The following ZNF804A variants were observed in gnomAD, a reference collection of about 807,000 sequenced individuals.
The protein encoded by ZNF804A is zinc finger protein 804A.
A neutral mutation model predicts 16.5 loss-of-function variants in ZNF804A; 2 were observed. The ratio of observed to expected loss-of-function variants is 0.12; its 90% CI spans 0.05 to 0.38. The LOEUF is 0.38. Among genes scored for constraint, ZNF804A ranks in the 10% least tolerant of loss-of-function variants. The probability of loss-of-function intolerance (pLI) is 0.99; values close to 1 mark genes in which losing one functional copy is unlikely to be tolerated. For missense variants in ZNF804A, 1,473 were observed against 1,390.7 expected (o/e 1.06, Z -0.94); for synonymous variants, 534 against 489.6 (o/e 1.09, Z -1.20).
At chr2:184,746,976 TTG>T (rs1403176832) in intron 1 of ZNF804A, among the ~76,000 whole-genome samples, 2 of 151,332 alleles carry the variant, frequency 1.3e-5, no homozygotes. Context: ...CGACAAAAGA[TTG>T]CATGTTTTAC....
intron 2 of ZNF804A, among the ~76,000 whole-genome samples, chr2:184,889,665 C>A (rs1402366174): frequency 6.6e-6 from 1 of 151,590 alleles, no homozygotes; most frequent in Non-Finnish European, 1.5e-5. Flanking sequence ...AATATTAAAG[C>A]TGCCCACACA....
intron 1 of ZNF804A, among the ~76,000 whole-genome samples, chr2:184,708,531 A>G (rs1693071070): frequency 6.6e-6 from 1 of 152,146 alleles, no homozygotes; most frequent in Non-Finnish European, 1.5e-5. Flanking sequence ...AGAGTCAACA[A>G]AAATAAGCAA....
chr2:184,663,620 G>A (rs1692213868), intron 1 of ZNF804A, among the ~76,000 whole-genome samples: 1 of 152,090 alleles, frequency 6.6e-6, no homozygotes, highest in East Asian at 1.9e-4. Flanking sequence ...AAGCAATGGG[G>A]GCCAGGCTGT....
At chr2:184,747,044 T>A (rs1023175572) in intron 1 of ZNF804A, among the ~76,000 whole-genome samples, 1 of 151,268 alleles carries the variant, frequency 6.6e-6, no homozygotes, top group Non-Finnish European at 1.5e-5. Flanking sequence ...AAATATATTC[T>A]CTTACAGCCT....
chr2:184,880,630 T>A (rs1301267995), intron 2 of ZNF804A, among the ~76,000 whole-genome samples: 1 of 152,086 alleles, frequency 6.6e-6, no homozygotes, highest in Non-Finnish European at 1.5e-5. Context: ...TTTCTTAGTC[T>A]GTTGTGTGCT....
intron 1 of ZNF804A, among the ~76,000 whole-genome samples, chr2:184,815,255 A>G (rs77630203): frequency 6.6e-6 from 1 of 151,978 alleles, no homozygotes; most frequent in Admixed American, 6.6e-5. Context: ...TTAAAAAAAA[A>G]CATAAAATAA....
At chr2:184,921,848 A>T (rs1407864307) in intron 2 of ZNF804A, among the ~76,000 whole-genome samples, 1 of 151,944 alleles carries the variant, frequency 6.6e-6, no homozygotes, top group Non-Finnish European at 1.5e-5. Flanking sequence ...TATCTCCCAT[A>T]GATAAGTGAG....
chr2:184,633,126 A>G (rs1419996748), intron 1 of ZNF804A, among the ~76,000 whole-genome samples: 1 of 152,120 alleles, frequency 6.6e-6, no homozygotes, highest in Non-Finnish European at 1.5e-5. Flanking sequence ...AGTTTATTCT[A>G]TGATGTTTGC....
At chr2:184,820,412 T>C (rs1405034125) in intron 1 of ZNF804A, among the ~76,000 whole-genome samples, 2 of 152,082 alleles carry the variant, frequency 1.3e-5, no homozygotes, top group African/African-American at 4.8e-5. Context: ...TGAAGGAATA[T>C]ACCTCAAAAT....
chr2:184,918,437 G>C (rs1192647182), intron 2 of ZNF804A, among the ~76,000 whole-genome samples: 1 of 152,086 alleles, frequency 6.6e-6, no homozygotes, highest in African/African-American at 2.4e-5. Context: ...GAGTGTGCCT[G>C]TCCCATGTTC....
chr2:184,906,400 G>A (rs1685274489), intron 2 of ZNF804A, among the ~76,000 whole-genome samples: 1 of 152,132 alleles, frequency 6.6e-6, no homozygotes, highest in Admixed American at 6.6e-5. Flanking sequence ...CCAGGCTCAA[G>A]CAATTATTCC....
chr2:184,708,149 T>C (rs1693061799), intron 1 of ZNF804A, among the ~76,000 whole-genome samples: 1 of 152,106 alleles, frequency 6.6e-6, no homozygotes, highest in Non-Finnish European at 1.5e-5. Context: ...TGCTTGTTGA[T>C]TTGTTTAAGT....
intron 1 of ZNF804A, among the ~76,000 whole-genome samples, chr2:184,705,572 G>A (rs147109318): frequency 6.2e-4 from 95 of 152,202 alleles, no homozygotes; most frequent in Non-Finnish European, 1.2e-3. Flanking sequence ...TAACCCAAGG[G>A]GTTAGGAGAT....
intron 2 of ZNF804A, among the ~76,000 whole-genome samples, chr2:184,892,450 G>A (rs546294712): frequency 1.6e-4 from 23 of 147,476 alleles, no homozygotes; most frequent in African/African-American, 5.5e-4. Context: ...AGCATTTTTC[G>A]CTTCCACCTT....
chr2:184,681,686 CAG>C (rs2105719321), intron 1 of ZNF804A, among the ~76,000 whole-genome samples: 1 of 152,338 alleles, frequency 6.6e-6, no homozygotes, highest in African/African-American at 2.4e-5. Context: ...CCAGCTTCAA[CAG>C]GGGAAGTGCA....
chr2:184,817,813 T>A (rs368647327), intron 1 of ZNF804A, among the ~76,000 whole-genome samples: 156 of 152,016 alleles, frequency 1.0e-3, no homozygotes, highest in African/African-American at 3.6e-3. Context: ...TTACAGAGCT[T>A]GAAGACTATC....
chr2:184,612,859 C>T (rs947375111), intron 1 of ZNF804A, among the ~76,000 whole-genome samples: 6 of 152,150 alleles, frequency 3.9e-5, no homozygotes, highest in Non-Finnish European at 8.8e-5. Flanking sequence ...TGAAGACAAT[C>T]TATTTCCATA....
At chr2:184,871,086 A>G (rs7564941) in intron 2 of ZNF804A, among the ~76,000 whole-genome samples, 48,572 of 149,854 alleles carry the variant, frequency 0.32, 10,553 homozygotes, top group African/African-American at 0.62. Flanking sequence ...ATACTCTGAA[A>G]GACTCTTCTA....
chr2:184,781,961 C>G (rs1694377928), intron 1 of ZNF804A, among the ~76,000 whole-genome samples: 1 of 151,926 alleles, frequency 6.6e-6, no homozygotes, highest in South Asian at 2.1e-4. Flanking sequence ...GGCCTCTCCC[C>G]TTGGTATGCT....
Sources: allele counts gnomAD v4.1 joint callset (sites outside exome capture counted in the v4.1 genomes callset), GRCh38; gene constraint gnomAD v4.1.1; transcripts MANE v1.5; gene names NCBI Gene and HGNC (gene_info 2026-07-23, HGNC 2026-07-21).